CHCHD6: variants seen among roughly 807,000 people sequenced by gnomAD.
The protein encoded by CHCHD6 is MICOS complex subunit MIC25.
Under a neutral mutation model 32.3 loss-of-function variants are expected in CHCHD6, and 28 were observed. The ratio of observed to expected loss-of-function variants is 0.87; its 90% CI spans 0.64 to 1.19. The LOEUF is 1.19. Among genes scored for constraint, CHCHD6 ranks in the 50% most tolerant of loss-of-function variants. The pLI, the probability that CHCHD6 is intolerant of heterozygous loss-of-function variation, is 0.00. For synonymous variants in CHCHD6, 122 were observed against 117.5 expected, an observed-to-expected ratio of 1.04 and a Z score of -0.25; for missense variants, 333 against 307.0, an observed-to-expected ratio of 1.08 and a Z score of -0.63.
At chr3:126,956,600 C>CGAGAGAGAGAGAGAGA (rs58750065) in intron 6 of CHCHD6, among the ~76,000 whole-genome samples, 4 of 149,660 alleles carry the variant, frequency 2.7e-5, no homozygotes, top group African/African-American at 9.9e-5. Context: ...AGTGTGCGCA[C>CGAGAGAGAGAGAGAGA]GAGAGAGAGA....
Position 126,733,176 on chromosome 3 carries a change from C to T in CHCHD6, c.365C>T (p.Thr122Met), listed in dbSNP as rs560723536. The change falls in exon 4 of 8, where the codon ACG becomes ATG. Residue 122 changes from threonine (T) to methionine (M), a missense_variant. Physicochemically the swap from Thr to Met is moderately conservative, Grantham distance 81 (BLOSUM62 -1). Transcript: ENST00000290913. ...ATKHSKASLP[T>M]GEGSISHEEQ... ...AAGCACTCCAAGGCATCCCTGCCCA[C>T]GGGCGAAGGCAGCATCAGCCATGAG... The T allele has an allele frequency of 2.7e-5, 43 of 1,614,160 alleles. No individual in the cohort carries two copies. In the East Asian group the frequency reaches 2.7e-4, roughly 10 times the overall value.
Position 126,914,770 on chromosome 3 carries a change from T to A in CHCHD6, c.566+20T>A. The A allele has an allele frequency of 6.9e-7, 1 of 1,445,354 alleles. No homozygotes were observed. Among genetic ancestry groups the A allele is most frequent in the South Asian group, 1.1e-5 (1 of 87,386 alleles). The allele number at this position is 1,445,354 out of a possible 1,614,324, so 89.5% of individuals were successfully genotyped here. On this transcript the variant is annotated intron_variant, in intron 6 of 7. Coordinates refer to ENST00000290913, the MANE Select transcript of CHCHD6 (RefSeq NM_032343.3). ...AATAAAGTAAGAATTTGTTTATTAT[T>A]CTTTGTAAACTTGGCCCACAATTGT...
chr3:126,839,658 C>T (rs989022502), intron 4 of CHCHD6, among the ~76,000 whole-genome samples: 47 of 152,246 alleles, frequency 3.1e-4, no homozygotes, highest in African/African-American at 1.0e-3. Flanking sequence ...CAGTTCAGTC[C>T]TTGTCATACT....
At chr3:126,840,898 A>T (rs541452158) in intron 4 of CHCHD6, among the ~76,000 whole-genome samples, 13 of 148,830 alleles carry the variant, frequency 8.7e-5, no homozygotes, top group South Asian at 4.4e-4. Context: ...TTTTTAATTT[A>T]TTTTTTTTAT....
intron 5 of CHCHD6, among the ~76,000 whole-genome samples, chr3:126,905,586 C>A (rs1227096915): frequency 6.6e-6 from 1 of 152,038 alleles, no homozygotes; most frequent in African/African-American, 2.4e-5. Context: ...CATGCAAGTT[C>A]TCAGCTGAGA....
chr3:126,796,730 G>A (rs775702300), intron 4 of CHCHD6, among the ~76,000 whole-genome samples: 18 of 152,266 alleles, frequency 1.2e-4, no homozygotes, highest in Non-Finnish European at 2.4e-4. Flanking sequence ...CCATGGAGAT[G>A]GCACCCTGGA....
At chr3:126,952,569 A>G (rs2107608428) in intron 6 of CHCHD6, among the ~76,000 whole-genome samples, 1 of 152,278 alleles carries the variant, frequency 6.6e-6, no homozygotes, top group East Asian at 1.9e-4. Context: ...AGGTGCCGTC[A>G]GCTGAGCAGT....
intron 5 of CHCHD6, among the ~76,000 whole-genome samples, chr3:126,908,551 T>A (rs2078038272): frequency 6.6e-6 from 1 of 152,210 alleles, no homozygotes; most frequent in Admixed American, 6.5e-5. Flanking sequence ...AACTTTACAT[T>A]GAGGGCCTGC....
intron 4 of CHCHD6, among the ~76,000 whole-genome samples, chr3:126,805,932 G>C (rs764263799): frequency 1.3e-5 from 2 of 152,232 alleles, no homozygotes; most frequent in Non-Finnish European, 2.9e-5. Context: ...ACAAACCTGA[G>C]AAAAACAAGC....
chr3:126,861,031 T>G (rs1031702298), intron 5 of CHCHD6, among the ~76,000 whole-genome samples: 4 of 152,150 alleles, frequency 2.6e-5, no homozygotes, highest in African/African-American at 9.7e-5. Context: ...ATGAAGTCAC[T>G]TAAGCCCTTG....
At chr3:126,890,292 G>A (rs968735036) in intron 5 of CHCHD6, among the ~76,000 whole-genome samples, 2 of 152,222 alleles carry the variant, frequency 1.3e-5, no homozygotes, top group African/African-American at 2.4e-5. Context: ...CTTCATGAGC[G>A]GGTAGGGCCT....
At chr3:126,721,211 G>C (rs1160906616) in intron 1 of CHCHD6, among the ~76,000 whole-genome samples, 1 of 152,170 alleles carries the variant, frequency 6.6e-6, no homozygotes, top group Non-Finnish European at 1.5e-5. Flanking sequence ...GTCTCCTCGG[G>C]ATGGTTGGAC....
intron 6 of CHCHD6, among the ~76,000 whole-genome samples, chr3:126,920,278 A>T (rs1295257210): frequency 6.7e-6 from 1 of 149,050 alleles, no homozygotes; most frequent in Non-Finnish European, 1.5e-5. Context: ...ATTTTCTTGA[A>T]CATATTAGTT....
At position 126,765,923 on chromosome 3, in the gene CHCHD6, G is replaced by T. The variant is rs117176664; in HGVS notation, c.411+32701G>T. Among the ~76,000 whole-genome samples the T allele has an allele frequency of 2.6e-5, 4 of 152,346 alleles. No homozygotes were observed. In the East Asian group the frequency reaches 7.7e-4, roughly 29 times the overall value. ...TAGGCCAATCTGCAAGAAAAAGCAG[G>T]AAAGGAGGACCCGGATGCTTCCAAA... On this transcript the variant is annotated intron_variant, in intron 4 of 7. Coordinates refer to ENST00000290913, the MANE Select transcript of CHCHD6 (RefSeq NM_032343.3).
intron 6 of CHCHD6, among the ~76,000 whole-genome samples, chr3:126,924,685 C>T (rs1328929950): frequency 6.6e-6 from 1 of 152,220 alleles, no homozygotes; most frequent in Non-Finnish European, 1.5e-5. Context: ...CTCCTTTCCT[C>T]GTGAACTTGA....
intron 5 of CHCHD6, among the ~76,000 whole-genome samples, chr3:126,896,429 G>T (rs1443465629): frequency 6.6e-6 from 1 of 152,154 alleles, no homozygotes; most frequent in African/African-American, 2.4e-5. Context: ...CTCCTGGCCA[G>T]GTCTCTGCCT....
chr3:126,956,373 G>A (rs1437669962), intron 6 of CHCHD6, among the ~76,000 whole-genome samples: 2 of 152,180 alleles, frequency 1.3e-5, no homozygotes, highest in African/African-American at 4.8e-5. Context: ...AGCAGCAACA[G>A]TACATCCAAA....
chr3:126,941,412 T>G (rs2078557089), intron 6 of CHCHD6, among the ~76,000 whole-genome samples: 1 of 152,234 alleles, frequency 6.6e-6, no homozygotes, highest in Non-Finnish European at 1.5e-5. Flanking sequence ...TATAGTTATT[T>G]AAAATATTAA....
rs150803583 is a variant in CHCHD6 at position 126,928,250 on chromosome 3, G to A, written c.566+13500G>A. The stretch of plus-strand genomic sequence containing the variant: ...TGCAGAAAGACTGATTTCTTCTGCG[G>A]CATTGTGTAAAAGCATATCCATCTT... On this transcript the variant is annotated intron_variant, in intron 6 of 7. Transcript: ENST00000290913. Among the ~76,000 whole-genome samples the A allele has an allele frequency of 4.0e-3, 616 of 152,360 alleles. 2 individuals carry two copies. The highest frequency in any genetic ancestry group is 0.013 in the African/African-American group (548 of 41,572).
Sources: allele counts gnomAD v4.1 joint callset (sites outside exome capture counted in the v4.1 genomes callset), GRCh38; gene constraint gnomAD v4.1.1; transcripts MANE v1.5; gene names NCBI Gene and HGNC (gene_info 2026-07-23, HGNC 2026-07-21).